SERPINB7: variants seen among roughly 807,000 people sequenced by gnomAD.
SERPINB7 encodes the protein serpin B7.
Under a neutral mutation model 37.4 loss-of-function variants are expected in SERPINB7, and 31 were observed. The observed-to-expected ratio is 0.83, with a 90% CI of 0.62 to 1.12. The LOEUF (loss-of-function observed/expected upper bound fraction) is 1.12, where lower values mean the gene tolerates loss of function less well. SERPINB7 is among the 50% of genes most tolerant of loss of function. SERPINB7 has a pLI of 0.00. For synonymous variants in SERPINB7, 163 were observed against 166.1 expected (o/e 0.98, Z 0.14); for missense variants, 521 against 455.3 (o/e 1.14, Z -1.31).
chr18:63,800,129 C>T (rs1040639374), intron 6 of SERPINB7, among the ~76,000 whole-genome samples: 5 of 151,770 alleles, frequency 3.3e-5, no homozygotes, highest in Non-Finnish European at 7.4e-5. Context: ...TCACTGCTCA[C>T]TCTAGCCTTG....
chr18:63,762,601 A>T (rs1448358359), intron 1 of SERPINB7, among the ~76,000 whole-genome samples: 2 of 152,120 alleles, frequency 1.3e-5, no homozygotes, highest in Non-Finnish European at 2.9e-5. Flanking sequence ...CAAGGATCTG[A>T]TTTGCCTTAT....
chr18:63,766,207 G>A (rs1211452733), intron 1 of SERPINB7, among the ~76,000 whole-genome samples: 2 of 152,132 alleles, frequency 1.3e-5, no homozygotes, highest in African/African-American at 4.8e-5. Flanking sequence ...CCATCTGCAA[G>A]GGAGGAGGGA....
upstream of SERPINB7, among the ~76,000 whole-genome samples, chr18:63,771,289 G>A (rs2049209724): frequency 6.6e-6 from 1 of 152,082 alleles, no homozygotes; most frequent in Non-Finnish European, 1.5e-5. Context: ...CCTTAGGGAG[G>A]TCTCTTCAAG....
At chr18:63,764,543 T>G (rs2049170583) in intron 1 of SERPINB7, among the ~76,000 whole-genome samples, 2 of 152,204 alleles carry the variant, frequency 1.3e-5, no homozygotes, top group South Asian at 4.1e-4. Flanking sequence ...GGTGACTCGA[T>G]GTGTTTTTAA....
intron 2 of SERPINB7, among the ~76,000 whole-genome samples, chr18:63,785,383 G>C (rs1623671): frequency 2.0e-5 from 3 of 151,816 alleles, no homozygotes; most frequent in Admixed American, 6.6e-5. Context: ...TCATAGCTTC[G>C]CCAGTAGATA....
At chr18:63,771,217 T>C (rs1172109904), upstream of SERPINB7, among the ~76,000 whole-genome samples, 3 of 152,136 alleles carry the variant, frequency 2.0e-5, no homozygotes, top group East Asian at 5.8e-4. Flanking sequence ...AGTTCGGGGA[T>C]GGGAAGAAAT....
chr18:63,768,652 A>G lies in SERPINB7; in HGVS notation c.-18-13703A>G, dbSNP rs574745718. On this transcript the variant is annotated intron_variant, in intron 1 of 7. Coordinates refer to the SERPINB7 transcript ENST00000336429. ...GAAAAGTCAGCTTTATTGAACTACA[A>G]TTATGCATAATAAATTGCATCAATT... Among the ~76,000 whole-genome samples the G allele has an allele frequency of 1.1e-4, 17 of 152,242 alleles. No homozygotes were observed. In the East Asian group the frequency reaches 2.9e-3, roughly 26 times the overall value.
upstream of SERPINB7, chr18:63,775,360 G>A (rs541190839): frequency 4.6e-5 from 7 of 152,224 alleles, no homozygotes; most frequent in East Asian, 1.4e-3. Flanking sequence ...TAAGATTCTT[G>A]AGAGACAGTG....
chr18:63,778,320 A>AT lies in SERPINB7; in HGVS notation c.-19+2607dup, dbSNP rs1247755073. On this transcript the variant is annotated intron_variant, in intron 1 of 7. Coordinates refer to ENST00000398019, the MANE Select transcript of SERPINB7 (RefSeq NM_003784.4). ...AAAAGAAATACAAAGATTTTAAAAT[A>AT]TTTCTTCCAAGAGTATCTGTATAGC... Among the ~76,000 whole-genome samples, 5 of 152,248 alleles carry AT rather than the reference A, an allele frequency of 3.3e-5. No individual in the cohort carries two copies. In the South Asian group the frequency reaches 8.3e-4, roughly 25 times the overall value.
intron 1 of SERPINB7, among the ~76,000 whole-genome samples, chr18:63,768,866 T>C (rs2049194721): frequency 6.6e-6 from 1 of 152,128 alleles, no homozygotes; most frequent in South Asian, 2.1e-4. Flanking sequence ...AATCAGATTA[T>C]GGTTTTGTTT....
At chr18:63,755,765 A>G (rs187109569) in intron 1 of SERPINB7, among the ~76,000 whole-genome samples, 1 of 152,018 alleles carries the variant, frequency 6.6e-6, no homozygotes, top group East Asian at 1.9e-4. Flanking sequence ...ATGGTGGTGT[A>G]TACTTGTAGT....
At chr18:63,797,326 TC>T (rs1292697751) in intron 5 of SERPINB7, among the ~76,000 whole-genome samples, 1 of 152,290 alleles carries the variant, frequency 6.6e-6, no homozygotes, top group South Asian at 2.1e-4. Context: ...GTATAAATTT[TC>T]TTTTTATTCA....
At chr18:63,783,232 G>GAGAGAGAGAA (rs2049328062) in intron 2 of SERPINB7, among the ~76,000 whole-genome samples, 8 of 40,730 alleles carry the variant, frequency 2.0e-4, no homozygotes, top group Non-Finnish European at 2.7e-4. Flanking sequence ...GAGAGAGAGA[G>GAGAGAGAGAA]AGAAAGAAAG....
intron 1 of SERPINB7, among the ~76,000 whole-genome samples, chr18:63,762,580 A>G (rs907017722): frequency 6.6e-6 from 1 of 152,198 alleles, no homozygotes; most frequent in African/African-American, 2.4e-5. Flanking sequence ...AGTCAGGAGA[A>G]CTGCATATGC....
At chr18:63,803,414 G>C (rs2049570906) in intron 7 of SERPINB7, among the ~76,000 whole-genome samples, 1 of 152,146 alleles carries the variant, frequency 6.6e-6, no homozygotes, top group South Asian at 2.1e-4. Context: ...TTGAAGTTGA[G>C]CCTGAATTTA....
At chr18:63,765,367 G>T (rs967790098) in intron 1 of SERPINB7, among the ~76,000 whole-genome samples, 3 of 151,950 alleles carry the variant, frequency 2.0e-5, no homozygotes, top group Non-Finnish European at 2.9e-5. Context: ...GGCACTCCGT[G>T]GTCCACATCA....
At chr18:63,761,873 T>C (rs995605566) in intron 1 of SERPINB7, among the ~76,000 whole-genome samples, 2 of 152,210 alleles carry the variant, frequency 1.3e-5, no homozygotes, top group African/African-American at 4.8e-5. Context: ...GGTATGTCTT[T>C]ATCAGCCGTG....
chr18:63,758,454 G>A (rs2049133991), intron 1 of SERPINB7, among the ~76,000 whole-genome samples: 1 of 152,172 alleles, frequency 6.6e-6, no homozygotes. Flanking sequence ...TCTTAAAGAT[G>A]CTCTCTGATT....
chr18:63,773,125 A>G (rs950123251), upstream of SERPINB7, among the ~76,000 whole-genome samples: 1 of 152,090 alleles, frequency 6.6e-6, no homozygotes, highest in African/African-American at 2.4e-5. Flanking sequence ...GTAAAAATAG[A>G]CCTAACATGC....
Sources: allele counts gnomAD v4.1 joint callset (sites outside exome capture counted in the v4.1 genomes callset), GRCh38; gene constraint gnomAD v4.1.1; transcripts MANE v1.5; gene names NCBI Gene and HGNC (gene_info 2026-07-23, HGNC 2026-07-21).